EVI5: variants seen among roughly 807,000 people sequenced by gnomAD.
EVI5 encodes the protein ecotropic viral integration site 5.
EVI5 carries 73 observed loss-of-function variants against 112.0 expected under a neutral mutation model. The observed-to-expected ratio is 0.65, with a 90% confidence interval of 0.54 to 0.79. The LOEUF is 0.79. Among genes scored for constraint, EVI5 ranks in the 30% least tolerant of loss-of-function variants. The pLI, the probability that EVI5 is intolerant of heterozygous loss-of-function variation, is 0.00. For synonymous variants in EVI5, 305 were observed against 319.9 expected, an observed-to-expected ratio of 0.95 and a Z score of 0.50; for missense variants, 900 against 968.8, an observed-to-expected ratio of 0.93 and a Z score of 0.94.
chr1:92,513,403 C>G lies in EVI5; in HGVS notation c.*253G>C. The G allele has an allele frequency of 6.0e-6, 1 of 166,826 alleles. No homozygotes were observed. The highest frequency in any genetic ancestry group is 6.3e-5 in the Admixed American group (1 of 15,828). 10.3% of individuals were successfully genotyped at this position (166,826 alleles called of 1,614,324 possible). ...CAAGAAACATTAATATTCAGTAATA[C>G]TGTTAGAACCTTGTTTTACACATTA... On this transcript the variant is annotated 3_prime_UTR_variant, in exon 20 of 20. Transcript: ENST00000684568.
chr1:92,782,418 T>C (rs985574648), intron 1 of EVI5, among the ~76,000 whole-genome samples: 21 of 152,130 alleles, frequency 1.4e-4, no homozygotes, highest in African/African-American at 5.1e-4. Flanking sequence ...AATAAAGCAT[T>C]ATAAATGAGA....
upstream of EVI5, chr1:92,785,184 C>T: frequency 2.3e-6 from 2 of 853,324 alleles, no homozygotes; most frequent in Non-Finnish European, 2.8e-6. Context: ...GGTTAGGGGC[C>T]GGGCGGGCCG....
chr1:92,630,034 A>AT, intron 14 of EVI5, among the ~76,000 whole-genome samples: 1 of 152,248 alleles, frequency 6.6e-6, no homozygotes, highest in East Asian at 1.9e-4. Context: ...TCCATGGTGT[A>AT]TATGTGCCAC....
At chr1:92,700,528 ATAT>A (rs1670988737) in intron 5 of EVI5, among the ~76,000 whole-genome samples, 2 of 152,328 alleles carry the variant, frequency 1.3e-5, no homozygotes, top group South Asian at 4.1e-4. Flanking sequence ...AATCACCAAA[ATAT>A]TATTTATTAC....
At chr1:92,572,122 T>A (rs1670410311) in intron 18 of EVI5, among the ~76,000 whole-genome samples, 1 of 152,126 alleles carries the variant, frequency 6.6e-6, no homozygotes, top group Non-Finnish European at 1.5e-5. Flanking sequence ...CAAATCTGAT[T>A]CATATTAAGG....
At chr1:92,670,988 T>C (rs1665783707) in intron 10 of EVI5, among the ~76,000 whole-genome samples, 1 of 151,912 alleles carries the variant, frequency 6.6e-6, no homozygotes, top group Non-Finnish European at 1.5e-5. Flanking sequence ...AAATTTTTCC[T>C]ACTTGATTAT....
At chr1:92,764,582 C>T (rs997922753) in intron 1 of EVI5, among the ~76,000 whole-genome samples, 4 of 152,194 alleles carry the variant, frequency 2.6e-5, no homozygotes, top group Non-Finnish European at 5.9e-5. Flanking sequence ...ATATCCAAAA[C>T]TGTACAAGAT....
At chr1:92,785,651 A>G (rs1177623896), upstream of EVI5, among the ~76,000 whole-genome samples, 3 of 152,268 alleles carry the variant, frequency 2.0e-5, no homozygotes, top group Non-Finnish European at 2.9e-5. Flanking sequence ...TCAGCCGGGC[A>G]GCCCTCCAGC....
intron 1 of EVI5, among the ~76,000 whole-genome samples, chr1:92,751,837 C>A (rs570613355): frequency 1.3e-5 from 2 of 151,884 alleles, no homozygotes; most frequent in African/African-American, 4.8e-5. Context: ...CATGGTGAAA[C>A]CCCATCTCTA....
chr1:92,575,646 T>G (rs1670959286), intron 18 of EVI5, among the ~76,000 whole-genome samples: 1 of 145,772 alleles, frequency 6.9e-6, no homozygotes, highest in Admixed American at 6.9e-5. Flanking sequence ...CCTGGTTAAC[T>G]GCAATCTCTG....
chr1:92,623,990 AGAAG>A (rs1655115120), intron 16 of EVI5, among the ~76,000 whole-genome samples, 182 bp downstream of exon 16: 1 of 152,230 alleles, frequency 6.6e-6, no homozygotes. Context: ...AATGGGTCAA[AGAAG>A]GATTAAATCT....
intron 1 of EVI5, among the ~76,000 whole-genome samples, chr1:92,752,912 C>T (rs189342898): frequency 2.0e-5 from 3 of 151,986 alleles, no homozygotes; most frequent in African/African-American, 7.3e-5. Context: ...CTAAAAGTGT[C>T]GTCATAAACA....
chr1:92,590,111 C>A (rs1673549072), intron 18 of EVI5, among the ~76,000 whole-genome samples: 1 of 151,962 alleles, frequency 6.6e-6, no homozygotes, highest in Non-Finnish European at 1.5e-5. Flanking sequence ...AAAACCCCAT[C>A]TGTACGTCAC....
At chr1:92,762,636 T>C (rs1184525190) in intron 1 of EVI5, among the ~76,000 whole-genome samples, 1 of 152,224 alleles carries the variant, frequency 6.6e-6, no homozygotes, top group Non-Finnish European at 1.5e-5. Flanking sequence ...ACTAATCTTA[T>C]TACCTATTTA....
chr1:92,610,771 T>C (rs1651578582), intron 16 of EVI5, among the ~76,000 whole-genome samples: 1 of 151,890 alleles, frequency 6.6e-6, no homozygotes, highest in Admixed American at 6.6e-5. Context: ...ATACCTAATA[T>C]GGGTTGCAGG....
chr1:92,641,066 T>C (rs376376839), intron 13 of EVI5, among the ~76,000 whole-genome samples: 1 of 151,886 alleles, frequency 6.6e-6, no homozygotes, highest in Non-Finnish European at 1.5e-5. Context: ...CCAGGGCCTG[T>C]TGGGGGTTGA....
chr1:92,650,405 AC>A (rs1216145538), intron 13 of EVI5, among the ~76,000 whole-genome samples: 1 of 152,058 alleles, frequency 6.6e-6, no homozygotes, highest in Non-Finnish European at 1.5e-5. Flanking sequence ...ACAAGTCTTT[AC>A]CTTCTTGGTT....
At chr1:92,543,682 C>T (rs922358667) in intron 19 of EVI5, among the ~76,000 whole-genome samples, 1 of 152,142 alleles carries the variant, frequency 6.6e-6, no homozygotes, top group Non-Finnish European at 1.5e-5. Context: ...TATATGAGTG[C>T]AATTTGTGGC....
intron 14 of EVI5, among the ~76,000 whole-genome samples, chr1:92,634,762 T>C (rs1189045160): frequency 6.6e-6 from 1 of 152,224 alleles, no homozygotes; most frequent in African/African-American, 2.4e-5. Flanking sequence ...ACTCTGCTTT[T>C]TAGAATTTTC....
Sources: allele counts gnomAD v4.1 joint callset (sites outside exome capture counted in the v4.1 genomes callset), GRCh38; gene constraint gnomAD v4.1.1; transcripts MANE v1.5; gene names NCBI Gene and HGNC (gene_info 2026-07-23, HGNC 2026-07-21).